ANXA8: variants seen among roughly 807,000 people sequenced by gnomAD.
ANXA8 encodes the protein annexin A8.
A neutral mutation model predicts 26.8 loss-of-function variants in ANXA8; 9 were observed. The ratio of observed to expected loss-of-function variants is 0.34; its 90% CI spans 0.20 to 0.59. The LOEUF (loss-of-function observed/expected upper bound fraction) is 0.59, where lower values mean the gene tolerates loss of function less well. Ranked by LOEUF, ANXA8 falls within the 20% of genes least tolerant of loss-of-function variation. The probability of loss-of-function intolerance (pLI) is 0.84; values close to 1 mark genes in which losing one functional copy is unlikely to be tolerated. For synonymous variants in ANXA8, 39 were observed against 94.8 expected, an observed-to-expected ratio of 0.41 and a Z score of 3.42; for missense variants, 83 against 238.5, an observed-to-expected ratio of 0.35 and a Z score of 4.29.
At chr10:47,586,961 C>T in the ANXA8 span, among the ~76,000 whole-genome samples, 1 of 146,006 alleles carries the variant, frequency 6.8e-6, no homozygotes, top group African/African-American at 2.8e-5. Context: ...AATTCCAGCA[C>T]TTTGGGAGGC....
At chr10:47,521,967 A>G in the ANXA8 span, among the ~76,000 whole-genome samples, 2 of 150,674 alleles carry the variant, frequency 1.3e-5, no homozygotes, top group African/African-American at 2.5e-5. Flanking sequence ...TTTCTTTTTT[A>G]GTAGAGACAG....
the ANXA8 span, among the ~76,000 whole-genome samples, chr10:47,558,529 A>ATGTGTGTG: frequency 0.019 from 2,713 of 141,524 alleles, 13 homozygotes; most frequent in Admixed American, 0.023. Context: ...GGGTTTTAAG[A>ATGTGTGTG]TGTGTGTGTG....
At chr10:47,989,237 T>C in the ANXA8 span, among the ~76,000 whole-genome samples, 388 of 137,452 alleles carry the variant, frequency 2.8e-3, 9 homozygotes, top group Middle Eastern at 7.3e-3. Context: ...AACGTTCCAC[T>C]GAAGGAAGCT....
chr10:47,693,051 G>A, the ANXA8 span, among the ~76,000 whole-genome samples: 2 of 151,656 alleles, frequency 1.3e-5, no homozygotes, highest in African/African-American at 2.4e-5. Context: ...TGTTTTCACC[G>A]AAGACATCTA....
the ANXA8 span, among the ~76,000 whole-genome samples, chr10:47,694,629 C>T: frequency 6.6e-6 from 1 of 151,554 alleles, no homozygotes; most frequent in Non-Finnish European, 1.5e-5. Context: ...CCATATTGGC[C>T]GGGCTGGTCT....
chr10:47,658,542 T>C, the ANXA8 span, among the ~76,000 whole-genome samples: 1 of 144,970 alleles, frequency 6.9e-6, no homozygotes, highest in Admixed American at 6.8e-5. Flanking sequence ...AAAATAAGGC[T>C]ATTGGAAGAA....
At chr10:47,716,465 A>G in the ANXA8 span, among the ~76,000 whole-genome samples, 4 of 124,620 alleles carry the variant, frequency 3.2e-5, no homozygotes, top group Non-Finnish European at 6.5e-5. Flanking sequence ...GTTAATTCAC[A>G]TATATGTGTA....
the ANXA8 span, chr10:47,753,092 G>A: frequency 2.1e-6 from 2 of 963,378 alleles, no homozygotes; most frequent in Non-Finnish European, 2.5e-6. Flanking sequence ...TGGGTGACAA[G>A]AGGGAAACTC....
At chr10:47,503,523 C>A in the ANXA8 span, 3 of 1,604,814 alleles carry the variant, frequency 1.9e-6, no homozygotes, top group East Asian at 6.8e-5. Flanking sequence ...TTCTTTTCTT[C>A]ATAATGTGCA....
chr10:47,680,495 T>G, the ANXA8 span, among the ~76,000 whole-genome samples: 1 of 151,590 alleles, frequency 6.6e-6, no homozygotes, highest in Non-Finnish European at 1.5e-5. Flanking sequence ...ATTAGCTGGG[T>G]GTGGTGGTGC....
At chr10:47,949,639 A>G in the ANXA8 span, among the ~76,000 whole-genome samples, 4 of 150,130 alleles carry the variant, frequency 2.7e-5, no homozygotes, top group African/African-American at 1.0e-4. Flanking sequence ...TGGAGGAAAC[A>G]GAAGTATATG....
chr10:47,767,974 A>C, the ANXA8 span, among the ~76,000 whole-genome samples: 1 of 149,444 alleles, frequency 6.7e-6, no homozygotes, highest in Admixed American at 6.6e-5. Context: ...GAGGGGAGTG[A>C]GCCCGCCAAG....
At chr10:47,694,215 C>G in the ANXA8 span, among the ~76,000 whole-genome samples, 11 of 151,200 alleles carry the variant, frequency 7.3e-5, 1 homozygote, top group African/African-American at 2.7e-4. Context: ...TTTAAAAAAT[C>G]AGATTTTTTT....
the ANXA8 span, among the ~76,000 whole-genome samples, chr10:47,709,406 AC>A: frequency 6.6e-6 from 1 of 150,936 alleles, no homozygotes; most frequent in Non-Finnish European, 1.5e-5. Flanking sequence ...TACTTCTCTT[AC>A]CTTCAGAGAA....
chr10:47,589,120 T>C, the ANXA8 span: 1 of 146,638 alleles, frequency 6.8e-6, no homozygotes, highest in Non-Finnish European at 1.5e-5. Context: ...GGCCCTTGCT[T>C]ACTTTCGTAC....
chr10:47,548,921 C>T, the ANXA8 span, among the ~76,000 whole-genome samples: 3 of 152,278 alleles, frequency 2.0e-5, no homozygotes, highest in African/African-American at 7.2e-5. Context: ...TTTATGTAAG[C>T]TAAATTTGTA....
chr10:47,939,120 T>C, the ANXA8 span, among the ~76,000 whole-genome samples: 2 of 145,734 alleles, frequency 1.4e-5, no homozygotes, highest in African/African-American at 5.4e-5. Context: ...GAAACTGCTC[T>C]GCATAAAAGC....
the ANXA8 span, among the ~76,000 whole-genome samples, chr10:47,951,825 A>AAG: frequency 6.7e-6 from 1 of 149,422 alleles, no homozygotes; most frequent in Non-Finnish European, 1.5e-5. Context: ...AAAAAAAAAA[A>AAG]AAAAAAAAAA....
At chr10:47,669,977 C>T in the ANXA8 span, among the ~76,000 whole-genome samples, 1 of 151,794 alleles carries the variant, frequency 6.6e-6, no homozygotes, top group African/African-American at 2.4e-5. Context: ...TTCTATCACA[C>T]CAAAAAGAAA....
Sources: gnomAD v4.1 joint callset for allele counts (sites outside exome capture counted in the v4.1 genomes callset) on GRCh38, gnomAD v4.1.1 for gene constraint, MANE v1.5 for transcripts, NCBI Gene and HGNC (gene_info 2026-07-23, HGNC 2026-07-21) for gene names.